ITGB5: variants seen among roughly 807,000 people sequenced by gnomAD.
ITGB5 encodes integrin beta-5.
In ITGB5, 38 loss-of-function variants were observed where a neutral mutation model predicts 84.8. The observed-to-expected ratio is 0.45, with a 90% confidence interval of 0.35 to 0.59. ITGB5 has a LOEUF of 0.59. Among genes scored for constraint, ITGB5 ranks in the 20% least tolerant of loss-of-function variants. ITGB5 has a pLI of 0.01. For synonymous variants in ITGB5, 393 were observed against 414.4 expected (o/e 0.95, Z 0.63); for missense variants, 905 against 1,034.5 (o/e 0.87, Z 1.72).
At chr3:124,899,115 G>A (rs1328939210) in intron 1 of ITGB5, among the ~76,000 whole-genome samples, 1 of 151,706 alleles carries the variant, frequency 6.6e-6, no homozygotes, top group East Asian at 1.9e-4. Context: ...GAAGAAAAAA[G>A]AAAGAAAGAA....
intron 2 of ITGB5, among the ~76,000 whole-genome samples, chr3:124,861,481 C>CATATATATAT (rs771303161): frequency 1.9e-3 from 220 of 117,762 alleles, no homozygotes; most frequent in South Asian, 2.6e-3. Context: ...CAAAACAAAA[C>CATATATATAT]ATATATATAT....
chr3:124,763,852 G>A (rs2063728860), intron 14 of ITGB5, 134 bp from the exon 15 acceptor site: 1 of 599,434 alleles, frequency 1.7e-6, no homozygotes, highest in African/African-American at 1.9e-5. Context: ...AGGAGGAGAC[G>A]GCCGTGGGCT....
At chr3:124,870,955 A>C (rs1933994272) in intron 2 of ITGB5, among the ~76,000 whole-genome samples, 1 of 152,044 alleles carries the variant, frequency 6.6e-6, no homozygotes, top group African/African-American at 2.4e-5. Flanking sequence ...CAGTGGCACA[A>C]TCTTGGCTCA....
intron 2 of ITGB5, among the ~76,000 whole-genome samples, chr3:124,861,495 T>TATAC (rs750712591): frequency 1.0e-3 from 116 of 112,012 alleles, no homozygotes; most frequent in African/African-American, 4.0e-3. Flanking sequence ...TATATATATA[T>TATAC]ACACACACAC....
At chr3:124,882,209 A>T (rs1486583689) in intron 1 of ITGB5, among the ~76,000 whole-genome samples, 1 of 152,214 alleles carries the variant, frequency 6.6e-6, no homozygotes, top group African/African-American at 2.4e-5. Flanking sequence ...AATAAAACCA[A>T]CAAGACTCCC....
chr3:124,895,286 G>T (rs536455272), intron 1 of ITGB5, among the ~76,000 whole-genome samples: 1 of 152,290 alleles, frequency 6.6e-6, no homozygotes, highest in South Asian at 2.1e-4. Context: ...GAGTGCAGTG[G>T]CACCATCATA....
intron 1 of ITGB5, among the ~76,000 whole-genome samples, chr3:124,893,639 T>TGAC (rs1935043885): frequency 6.6e-6 from 1 of 152,054 alleles, no homozygotes; most frequent in Admixed American, 6.6e-5. Context: ...GACAAGCAGG[T>TGAC]GACAAGTCCA....
chr3:124,852,044 C>T (rs1266736747), intron 3 of ITGB5, among the ~76,000 whole-genome samples: 2 of 152,208 alleles, frequency 1.3e-5, no homozygotes, highest in Non-Finnish European at 2.9e-5. Context: ...GAACCATGCA[C>T]GCTTAAGCAC....
intron 2 of ITGB5, among the ~76,000 whole-genome samples, chr3:124,868,618 C>CA (rs67873873): frequency 0.18 from 12,048 of 68,396 alleles, 763 homozygotes; most frequent in Non-Finnish European, 0.2. Context: ...TGTTCTCTAC[C>CA]AAAAAAAAAA....
rs559991208 is a variant in ITGB5 at position 124,849,410 on chromosome 3, G to C, written c.362-852C>G. Among the ~76,000 whole-genome samples the C allele has an allele frequency of 5.9e-5, 9 of 152,168 alleles. No homozygotes were observed. In the East Asian group the frequency reaches 1.5e-3, roughly 26 times the overall value. ...GATCGTTGTTTAAAATACCCCAATG[G>C]GCAAAAATATGCATGCTTATGCCAC... On this transcript the variant is annotated intron_variant, in intron 3 of 14. Coordinates refer to ENST00000296181, the MANE Select transcript of ITGB5 (RefSeq NM_002213.5).
At chr3:124,817,775 T>C (rs2064627957) in intron 7 of ITGB5, 65 bp from the exon 8 acceptor site, 4 of 887,470 alleles carry the variant, frequency 4.5e-6, no homozygotes, top group Non-Finnish European at 7.4e-6. Context: ...AGAGTGAGCA[T>C]TGCTATACTG....
At chr3:124,842,013 G>C (rs189324609) in intron 4 of ITGB5, among the ~76,000 whole-genome samples, 1 of 152,310 alleles carries the variant, frequency 6.6e-6, no homozygotes, top group African/African-American at 2.4e-5. Flanking sequence ...TTGCTGCCAC[G>C]CAACAAAGGA....
Position 124,841,498 on chromosome 3 carries a change from G to A in ITGB5, c.665C>T (p.Pro222Leu). The A allele has an allele frequency of 1.2e-6, 2 of 1,614,220 alleles. No homozygotes were observed. The highest frequency in any genetic ancestry group is 4.5e-5 in the East Asian group (2 of 44,892). ...GAAGCTGTCCACTCTGTCTGTGAGA[G>A]GCAGCAGATGGCGGAACCCAAAGGA... Reference protein sequence around the residue: ...VPSFGFRHLLPLTDRVDSFNE... With the variant: ...VPSFGFRHLLLLTDRVDSFNE... Residue 222 changes from proline to leucine, a missense_variant, in exon 5 of 15, where the codon CCT (proline) becomes CTT (leucine). Pro to Leu is a moderately conservative substitution (Grantham distance 98). Around this residue, in one of 3 missense-constraint regions of ITGB5, gnomAD observed 656 missense variants for 734.7 expected, o/e 0.89. Coordinates refer to ENST00000296181, the MANE Select transcript of ITGB5 (RefSeq NM_002213.5).
intron 5 of ITGB5, among the ~76,000 whole-genome samples, chr3:124,834,431 CAAAG>C (rs906521633): frequency 2.7e-4 from 33 of 121,952 alleles, no homozygotes; most frequent in Non-Finnish European, 5.2e-4. Context: ...AAGAAGGAAA[CAAAG>C]AAAGAAAGAA....
chr3:124,796,421 A>G lies in ITGB5; in HGVS notation c.1660T>C (p.Ser554Pro). The change falls in exon 10 of 15, where the codon TCC (serine) becomes CCC (proline). Residue 554 changes from serine to proline, a missense_variant. Ser to Pro is a moderately conservative substitution (Grantham distance 74). Coordinates refer to ENST00000296181, the MANE Select transcript of ITGB5 (RefSeq NM_002213.5). ...YGPFCECDNF[S>P]CARNKGVLCS... is the part of the protein sequence containing the mutation. ...AGGACTCCCTTGTTCCTGGCACAGGAGAAGTTGTCGCACTCACAGAAAGGC... is the reference window on the plus strand; with the variant it reads ...AGGACTCCCTTGTTCCTGGCACAGGGGAAGTTGTCGCACTCACAGAAAGGC... 6.2e-7 allele frequency: 1 copy of G among 1,613,638 alleles called. No homozygotes were observed. Among genetic ancestry groups the G allele is most frequent in the South Asian group, 1.1e-5 (1 of 90,964 alleles).
intron 8 of ITGB5, among the ~76,000 whole-genome samples, chr3:124,813,022 G>A (rs929168078): frequency 5.9e-5 from 9 of 152,132 alleles, no homozygotes; most frequent in East Asian, 1.9e-4. Flanking sequence ...AAACACAAGC[G>A]GTCTGGAGAG....
chr3:124,814,053 A>G (rs2064546780), intron 8 of ITGB5, among the ~76,000 whole-genome samples: 1 of 152,208 alleles, frequency 6.6e-6, no homozygotes, highest in South Asian at 2.1e-4. Flanking sequence ...TAAAGACCAA[A>G]TATAATAACA....
chr3:124,811,367 T>C (rs1293832255), intron 8 of ITGB5, among the ~76,000 whole-genome samples: 2 of 152,178 alleles, frequency 1.3e-5, no homozygotes, highest in Admixed American at 6.5e-5. Context: ...AAATATTTCT[T>C]AAGACAAATA....
At chr3:124,894,128 A>ATTTT (rs1464038480) in intron 1 of ITGB5, among the ~76,000 whole-genome samples, 1 of 61,950 alleles carries the variant, frequency 1.6e-5, no homozygotes. Flanking sequence ...AAGTTGTGAT[A>ATTTT]TTTTTCTTTT....
Sources: allele counts gnomAD v4.1 joint callset (sites outside exome capture counted in the v4.1 genomes callset), GRCh38; gene constraint gnomAD v4.1.1; regional missense constraint gnomAD v4.1.1; transcripts MANE v1.5; gene names NCBI Gene and HGNC (gene_info 2026-07-23, HGNC 2026-07-21).